MYH11: variants seen among roughly 807,000 people sequenced by gnomAD.
MYH11 encodes the protein myosin-11.
MYH11 carries 80 observed loss-of-function variants against 246.6 expected under a neutral mutation model. That is an observed-to-expected ratio of 0.32 (90% CI 0.27 to 0.39). The LOEUF (loss-of-function observed/expected upper bound fraction) is 0.39, where lower values mean the gene tolerates loss of function less well. Ranked by LOEUF, MYH11 falls within the 10% of genes least tolerant of loss-of-function variation. The pLI is 1.00. For missense variants in MYH11, 2,158 were observed against 2,546.8 expected, an observed-to-expected ratio of 0.85 and a Z score of 3.29; for synonymous variants, 1,071 against 1,015.5, an observed-to-expected ratio of 1.05 and a Z score of -1.04.
chr16:15,716,225 A>G (rs1485958582), intron 38 of MYH11, among the ~76,000 whole-genome samples: 1 of 152,050 alleles, frequency 6.6e-6, no homozygotes, highest in Non-Finnish European at 1.5e-5. Context: ...GAAATACCAC[A>G]TATGGCCTGG....
intron 1 of MYH11, among the ~76,000 whole-genome samples, chr16:15,851,563 A>T (rs748475717): frequency 6.6e-6 from 1 of 152,132 alleles, no homozygotes; most frequent in Non-Finnish European, 1.5e-5. Flanking sequence ...CTTAGCAGAA[A>T]GTCCCTTTCT....
At chr16:15,829,191 A>G (rs2043659778) in intron 2 of MYH11, among the ~76,000 whole-genome samples, 1 of 152,020 alleles carries the variant, frequency 6.6e-6, no homozygotes, top group African/African-American at 2.4e-5. Flanking sequence ...AAAGAAAAAA[A>G]AAAAAAGAAT....
At chr16:15,725,146 A>C (rs2151220369) in intron 28 of MYH11, 154 bp from the exon 29 acceptor site, 8 of 661,156 alleles carry the variant, frequency 1.2e-5, no homozygotes, top group Non-Finnish European at 1.8e-5. Flanking sequence ...AAAAAAAAAA[A>C]AAACACACAC....
At chr16:15,710,477 C>T (rs577838633) in intron 40 of MYH11, among the ~76,000 whole-genome samples, 23 of 152,110 alleles carry the variant, frequency 1.5e-4, no homozygotes, top group Admixed American at 5.9e-4. Flanking sequence ...GCCGAGATCG[C>T]GCCACTGCAC....
chr16:15,782,195 GAGTGAAT>G (rs1352858290), intron 6 of MYH11, among the ~76,000 whole-genome samples, 183 bp downstream of exon 6: 5 of 152,158 alleles, frequency 3.3e-5, no homozygotes, highest in African/African-American at 1.2e-4. Flanking sequence ...AATATTTGTT[GAGTGAAT>G]AGTGAATAAA....
At chr16:15,847,517 G>C (rs1446625062) in intron 1 of MYH11, among the ~76,000 whole-genome samples, 1 of 152,184 alleles carries the variant, frequency 6.6e-6, no homozygotes, top group Non-Finnish European at 1.5e-5. Context: ...GTCTCCCAAA[G>C]TGCTGGGATT....
At chr16:15,785,559 C>T (rs1242576577) in intron 5 of MYH11, 2 of 151,750 alleles carry the variant, frequency 1.3e-5, no homozygotes, top group Admixed American at 6.6e-5. Flanking sequence ...CCAGACAAGC[C>T]GGCCATGGTG....
At chr16:15,725,069 A>G (rs1207718902) in intron 28 of MYH11, 77 bp from the exon 29 acceptor site, 8 of 1,198,192 alleles carry the variant, frequency 6.7e-6, no homozygotes, top group African/African-American at 4.5e-5. Flanking sequence ...TTTACTCAAA[A>G]CACATGGGCT....
chr16:15,847,912 T>G (rs1172840585), intron 1 of MYH11, among the ~76,000 whole-genome samples: 1 of 152,156 alleles, frequency 6.6e-6, no homozygotes, highest in African/African-American at 2.4e-5. Context: ...ATATCTGGGC[T>G]GGGGTGGAGC....
chr16:15,786,676 GC>G lies in MYH11; in HGVS notation c.586del (p.Ala196ProfsTer39). 6.2e-7 allele frequency: 1 copy of G among 1,614,130 alleles called. No individual in the cohort carries two copies. Among genetic ancestry groups the G allele is most frequent in the Non-Finnish European group, 8.5e-7 (1 of 1,180,022 alleles). Reference protein sequence around the residue: ...ENTKKVIQYLAVVASSHKGKK... With the variant: ...ENTKKVIQYLXVVASSHKGKK... ...GCCCTTGTGGGAGGAGGCCACCACG[GC>G]CAGGTACTGAATGACCTTCTTGGTG... On this transcript the variant is annotated frameshift_variant, in exon 5 of 41. Coordinates refer to ENST00000300036, the MANE Select transcript of MYH11 (RefSeq NM_002474.3). LOFTEE classifies it high-confidence loss of function.
At chr16:15,823,766 C>T (rs1484919893) in intron 2 of MYH11, among the ~76,000 whole-genome samples, 1 of 152,122 alleles carries the variant, frequency 6.6e-6, no homozygotes, top group East Asian at 1.9e-4. Flanking sequence ...GCCAGGACTA[C>T]AGGCGGGCGC....
At position 15,759,692 on chromosome 16, in the gene MYH11, A is replaced by G. The variant is rs1567736079; in HGVS notation, c.1285T>C (p.Tyr429His). The G allele has an allele frequency of 6.2e-7, 1 of 1,614,182 alleles. No homozygotes were observed. Among genetic ancestry groups the G allele is most frequent in the Non-Finnish European group, 8.5e-7 (1 of 1,180,032 alleles). ...FAVEALAKAT[Y>H]ERLFRWILTR... ...AGTATCCAGCGGAAAAGGCGCTCAT[A>G]TGTTGCCTTGGCCAAAGCCTCTACA... is the stretch of plus-strand genomic sequence containing the variant. Residue 429 changes from tyrosine to histidine, a missense_variant, in exon 12 of 41, where the codon TAT becomes CAT. Coordinates refer to ENST00000300036, the MANE Select transcript of MYH11 (RefSeq NM_002474.3).
chr16:15,756,484 C>T lies in MYH11; in HGVS notation c.1606G>A (p.Asp536Asn). 1 of 1,614,186 alleles carries T rather than the reference C, an allele frequency of 6.2e-7. No homozygotes were observed. The highest frequency in any genetic ancestry group is 8.5e-7 in the Non-Finnish European group (1 of 1,180,038). The change falls in exon 14 of 41, where the codon GAC (aspartate) becomes AAC (asparagine). Residue 536 changes from aspartate (D) to asparagine (N), a missense_variant. Physicochemically the swap from Asp to Asn is conservative, Grantham distance 23. This residue lies in a region of MYH11 where 317 missense variants were observed against 507.7 expected (regional missense o/e 0.62). Coordinates refer to ENST00000300036, the MANE Select transcript of MYH11 (RefSeq NM_002474.3). ...NNPPGVLALL[D>N]EECWFPKATD... ...GCTTTGGGGAACCAGCATTCCTCGT[C>T]CAGCAGGGCCAGCACACCTGGAGGG...
At chr16:15,724,591 T>G in intron 30 of MYH11, 56 bp downstream of exon 30, 26 of 1,612,010 alleles carry the variant, frequency 1.6e-5, no homozygotes, top group African/African-American at 2.7e-5. Flanking sequence ...GCGGGGGATC[T>G]CAGCGCAGAG....
intron 1 of MYH11, among the ~76,000 whole-genome samples, chr16:15,848,425 G>A (rs778605719): frequency 1.3e-5 from 2 of 151,890 alleles, no homozygotes; most frequent in Non-Finnish European, 2.9e-5. Context: ...GTAGAGATGA[G>A]GTTTCACCAT....
rs950950495 is a variant in MYH11, at chr16:15,710,228, G to A, written c.5786+4681C>T. On this transcript the variant is annotated intron_variant, in intron 40 of 40. Coordinates refer to ENST00000300036, the MANE Select transcript of MYH11 (RefSeq NM_002474.3). ...CAGGAGGTGTCCAGTGTGTGCTAAA[G>A]AATCACTGGGCCGGCCGGGCATGGT... 4.6e-5 allele frequency among the ~76,000 whole-genome samples: 7 copies of A among 152,240 alleles called. No individual in the cohort carries two copies. The South Asian group carries it at 1.5e-3, about 32-fold the overall frequency.
chr16:15,712,048 T>G (rs1054638247), intron 40 of MYH11, among the ~76,000 whole-genome samples: 1 of 151,928 alleles, frequency 6.6e-6, no homozygotes, highest in African/African-American at 2.4e-5. Flanking sequence ...GGATGTGGGG[T>G]ATAAAGGAGA....
intron 10 of MYH11, 55 bp downstream of exon 10, chr16:15,763,741 T>TCGCGCC: frequency 4.6e-6 from 3 of 646,862 alleles, no homozygotes; most frequent in African/African-American, 4.3e-5. Context: ...AAATGTCACC[T>TCGCGCC]CCCCCACCCC....
At chr16:15,704,308 A>C (rs574083510) in intron 40 of MYH11, among the ~76,000 whole-genome samples, 185 bp from the exon 41 acceptor site, 36 of 152,318 alleles carry the variant, frequency 2.4e-4, no homozygotes, top group Admixed American at 1.3e-3. Context: ...AATCATTGCC[A>C]GTCTTAAGGC....
Sources: gnomAD v4.1 joint callset for allele counts (sites outside exome capture counted in the v4.1 genomes callset) on GRCh38, gnomAD v4.1.1 for gene constraint, gnomAD v4.1.1 regional missense constraint, MANE v1.5 for transcripts, NCBI Gene and HGNC (gene_info 2026-07-23, HGNC 2026-07-21) for gene names.